The following PLAUR variants were observed in gnomAD, a reference collection of about 807,000 sequenced individuals.
PLAUR encodes urokinase plasminogen activator surface receptor.
PLAUR carries 22 observed loss-of-function variants against 33.4 expected under a neutral mutation model. The observed-to-expected ratio is 0.66, with a 90% confidence interval of 0.47 to 0.94. The LOEUF is 0.94. Among genes scored for constraint, PLAUR ranks in the 40% least tolerant of loss-of-function variants. PLAUR has a pLI of 0.00. For synonymous variants in PLAUR, 148 were observed against 167.3 expected, an observed-to-expected ratio of 0.88 and a Z score of 0.89; for missense variants, 408 against 434.7, an observed-to-expected ratio of 0.94 and a Z score of 0.55.
intron 1 of PLAUR, among the ~76,000 whole-genome samples, chr19:43,669,675 G>C (rs1206322527): frequency 6.6e-6 from 1 of 151,886 alleles, no homozygotes; most frequent in Admixed American, 6.6e-5. Context: ...AGCCGGGCGC[G>C]ATGGCAGGCG....
At chr19:43,657,873 C>T (rs996284246) in intron 3 of PLAUR, among the ~76,000 whole-genome samples, 4 of 152,090 alleles carry the variant, frequency 2.6e-5, no homozygotes, top group African/African-American at 9.7e-5. Context: ...CAAAATGGCC[C>T]CCAATAATCT....
At position 43,667,706 on chromosome 19, in the gene PLAUR, G is replaced by A; in HGVS notation, c.56-15C>T. The A allele has an allele frequency of 6.2e-7, 1 of 1,612,102 alleles. No individual in the cohort carries two copies. Among genetic ancestry groups the A allele is most frequent in the South Asian group, 1.1e-5 (1 of 90,992 alleles). On this transcript the variant is annotated splice_polypyrimidine_tract_variant and intron_variant, in intron 1 of 6. Transcript: ENST00000340093. ...GCCCCAAGAGGCTGGGGGAAGGAGG[G>A]AGAGGAGAGGAGAGGTTAACTACGC...
At chr19:43,648,019 T>C (rs187371557), downstream of PLAUR, among the ~76,000 whole-genome samples, 1 of 151,018 alleles carries the variant, frequency 6.6e-6, no homozygotes, top group Non-Finnish European at 1.5e-5. Flanking sequence ...AATGTTTTCA[T>C]GTGAGGAAAA....
Position 43,668,252 on chromosome 19 carries a change from C to T in PLAUR, c.56-561G>A, listed in dbSNP as rs929119502. The T allele has an allele frequency of 5.1e-6, 5 of 987,242 alleles. No homozygotes were observed. The African/African-American group carries it at 8.7e-5, about 17-fold the overall frequency. 61.2% of individuals were successfully genotyped at this position (987,242 alleles called of 1,614,324 possible). On this transcript the variant is annotated intron_variant, in intron 1 of 6. Transcript: ENST00000340093. Reference sequence around the variant, plus strand: ...AATTCTAGGCCCGGCCCCATCAGCCCTCCGGAGTTTCTATTGTTAGATACT... The same window carrying T: ...AATTCTAGGCCCGGCCCCATCAGCCTTCCGGAGTTTCTATTGTTAGATACT...
chr19:43,649,584 G>C (rs1973905224), intron 6 of PLAUR, among the ~76,000 whole-genome samples: 2 of 145,982 alleles, frequency 1.4e-5, no homozygotes. Context: ...GAGGGAGGGA[G>C]GGAGGGAAGA....
intron 3 of PLAUR, among the ~76,000 whole-genome samples, chr19:43,663,345 A>ACC (rs1967088429): frequency 7.6e-6 from 1 of 131,154 alleles, no homozygotes; most frequent in African/African-American, 3.0e-5. Flanking sequence ...ACACACACAC[A>ACC]CACACACAGG....
chr19:43,667,786 C>T lies in PLAUR; in HGVS notation c.56-95G>A, dbSNP rs1484351776. 2.0e-6 allele frequency: 3 copies of T among 1,523,088 alleles called. No homozygotes were observed. In the African/African-American group the frequency reaches 4.1e-5, roughly 21 times the overall value. 94.3% of individuals were successfully genotyped at this position (1,523,088 alleles called of 1,614,324 possible). A position where few individuals can be genotyped will look rare whatever the true frequency, so the allele number is the denominator to read the frequency against. ...ATGTCCCAATACCAACACCAAGTCT[C>T]CAGGCCCCGTCCATTCAGATTCGTG... On this transcript the variant is annotated intron_variant, in intron 1 of 6. Coordinates refer to ENST00000340093, the MANE Select transcript of PLAUR (RefSeq NM_002659.4).
chr19:43,657,952 C>T (rs576557147), intron 3 of PLAUR, among the ~76,000 whole-genome samples: 4 of 151,994 alleles, frequency 2.6e-5, no homozygotes, highest in Non-Finnish European at 5.9e-5. Flanking sequence ...CCTGTAATCC[C>T]AGCATTTTGG....
At chr19:43,665,812 C>T in intron 2 of PLAUR, among the ~76,000 whole-genome samples, 1 of 148,064 alleles carries the variant, frequency 6.8e-6, no homozygotes, top group Non-Finnish European at 1.5e-5. Context: ...CACAGGCTTA[C>T]ATCACCACAC....
chr19:43,646,263 C>T, downstream of PLAUR: 1 of 549,066 alleles, frequency 1.8e-6, no homozygotes, highest in Non-Finnish European at 3.3e-6. Context: ...GATATAGGCA[C>T]ACAATGTGTT....
intron 1 of PLAUR, among the ~76,000 whole-genome samples, chr19:43,669,313 T>C (rs1967416788): frequency 6.6e-6 from 1 of 152,098 alleles, no homozygotes; most frequent in Admixed American, 6.5e-5. Context: ...TCCCCCCGTT[T>C]CTCAGAGGGG....
rs796280819 is a variant in PLAUR, at chr19:43,658,042, T to TA, written c.311-1403dup. Among the ~76,000 whole-genome samples, 1,181 of 142,768 alleles carry TA rather than the reference T, an allele frequency of 8.3e-3. 8 individuals carry two copies. The highest frequency in any genetic ancestry group is 0.025 in the African/African-American group (960 of 38,812). The allele number at this position is 142,768 out of a possible 152,430, so 93.7% of individuals were successfully genotyped here. On this transcript the variant is annotated intron_variant, in intron 3 of 6. Transcript: ENST00000340093. ...ACATAGCAAGACTCTGTCTTTAAAT[T>TA]AAAAAAAAAAAAGAAGAAGAAAAGA...
rs4251946 is a variant in PLAUR at position 43,652,226 on chromosome 19, G to A, written c.753C>T (p.His251=). The part of the protein sequence containing the change: ...MNQCLVATGT[H]EPKNQSYMVR... ...TCCCAGCCTCGGAGAGGGCCTCACCGTGAGTGCCGGTGGCTACCAGACATT... is the reference window on the plus strand; with the variant it reads ...TCCCAGCCTCGGAGAGGGCCTCACCATGAGTGCCGGTGGCTACCAGACATT... Residue 251 remains histidine (H), a splice_region_variant and synonymous_variant, in exon 6 of 7, where the codon CAC becomes CAT. Coordinates refer to ENST00000340093, the MANE Select transcript of PLAUR (RefSeq NM_002659.4). The A allele has an allele frequency of 4.4e-3, 7,056 of 1,613,966 alleles. 28 individuals are homozygous for A. Among genetic ancestry groups the A allele is most frequent in the Non-Finnish European group, 5.1e-3 (6,054 of 1,179,916 alleles).
chr19:43,650,403 G>A (rs1973950078), intron 6 of PLAUR, among the ~76,000 whole-genome samples: 1 of 151,044 alleles, frequency 6.6e-6, no homozygotes, highest in African/African-American at 2.4e-5. Context: ...TCCGTTCACT[G>A]CAACCTCCAC....
rs1974321711 is a variant in PLAUR at position 43,658,981 on chromosome 19, T to C, written c.311-2341A>G. 5.9e-5 allele frequency among the ~76,000 whole-genome samples: 9 copies of C among 152,024 alleles called. No individual in the cohort carries two copies. The South Asian group carries it at 1.9e-3, about 32-fold the overall frequency. On this transcript the variant is annotated intron_variant, in intron 3 of 6. Transcript: ENST00000340093. ...CATTCTTCAGCTGTCATCTTCAATTTCACCTCCTCTAGGAAGCCCTCCCTG... is the reference window on the plus strand; with the variant it reads ...CATTCTTCAGCTGTCATCTTCAATTCCACCTCCTCTAGGAAGCCCTCCCTG...
chr19:43,658,998 C>T (rs1028195809), intron 3 of PLAUR, among the ~76,000 whole-genome samples: 7 of 151,984 alleles, frequency 4.6e-5, no homozygotes, highest in African/African-American at 1.7e-4. Context: ...CTCTAGGAAG[C>T]CCTCCCTGAC....
Position 43,648,819 on chromosome 19 carries a change from A to AG in PLAUR, c.*70dup. On this transcript the variant is annotated 3_prime_UTR_variant, in exon 7 of 7. Coordinates refer to ENST00000340093, the MANE Select transcript of PLAUR (RefSeq NM_002659.4). ...GCCTGAGGTCACACAGCAAGTCTGT[A>AG]GGGCTGGGAGCCGAGGGAAGGGCAA... 1 of 1,504,312 alleles carries AG rather than the reference A, an allele frequency of 6.6e-7. No individual in the cohort carries two copies. The highest frequency in any genetic ancestry group is 9.1e-7 in the Non-Finnish European group (1 of 1,099,486). 93.2% of individuals were successfully genotyped at this position (1,504,312 alleles called of 1,614,324 possible). A position where few individuals can be genotyped will look rare whatever the true frequency, so the allele number is the denominator to read the frequency against.
chr19:43,646,411 G>A (rs373237015), downstream of PLAUR: 23 of 716,204 alleles, frequency 3.2e-5, no homozygotes, highest in African/African-American at 2.4e-4. Flanking sequence ...TCTGGTGCCT[G>A]GGCTGAGATG....
chr19:43,656,476 C>T lies in PLAUR; in HGVS notation c.472+3G>A, dbSNP rs766817029. 25 of 1,577,420 alleles carry T rather than the reference C, an allele frequency of 1.6e-5. No homozygotes were observed. The highest frequency in any genetic ancestry group is 2.2e-5 in the Non-Finnish European group (25 of 1,157,830). On this transcript the variant is annotated splice_donor_region_variant and intron_variant, in intron 4 of 6. Transcript: ENST00000340093. Reference sequence around the variant, plus strand: ...GAGGAGTTGCCAGCAGGTTGGGGCTCACCTTCTTCACCTTCCTGGATCCAG... The same window carrying T: ...GAGGAGTTGCCAGCAGGTTGGGGCTTACCTTCTTCACCTTCCTGGATCCAG...
Sources: allele counts gnomAD v4.1 joint callset (sites outside exome capture counted in the v4.1 genomes callset), GRCh38; gene constraint gnomAD v4.1.1; transcripts MANE v1.5; gene names NCBI Gene and HGNC (gene_info 2026-07-23, HGNC 2026-07-21).